MAP4K3: variants seen among roughly 807,000 people sequenced by gnomAD.
MAP4K3 encodes the protein MAPK/ERK kinase kinase kinase 3.
In MAP4K3, 94 loss-of-function variants were observed where a neutral mutation model predicts 143.5. The ratio of observed to expected loss-of-function variants is 0.65; its 90% CI spans 0.55 to 0.78. The LOEUF (loss-of-function observed/expected upper bound fraction) is 0.78. Ranked by LOEUF, MAP4K3 falls within the 30% of genes least tolerant of loss-of-function variation. The pLI, the probability that MAP4K3 is intolerant of heterozygous loss-of-function variation, is 0.00. For synonymous variants in MAP4K3, 416 were observed against 347.2 expected (o/e 1.20, Z -2.20); for missense variants, 1,077 against 1,068.1 (o/e 1.01, Z -0.12).
chr2:39,406,349 T>C (rs529668400), intron 1 of MAP4K3, among the ~76,000 whole-genome samples: 3 of 152,148 alleles, frequency 2.0e-5, no homozygotes, highest in African/African-American at 7.2e-5. Flanking sequence ...TTCCTAAACC[T>C]AGAGAAAGAT....
chr2:39,265,986 T>C (rs917288050), intron 27 of MAP4K3, among the ~76,000 whole-genome samples: 2 of 151,986 alleles, frequency 1.3e-5, no homozygotes, highest in African/African-American at 4.8e-5. Context: ...AGCAGTAAAG[T>C]TCACACACTT....
intron 28 of MAP4K3, among the ~76,000 whole-genome samples, chr2:39,262,101 T>C (rs977327169): frequency 6.6e-6 from 1 of 152,262 alleles, no homozygotes; most frequent in Non-Finnish European, 1.5e-5. Flanking sequence ...TCACTGTATT[T>C]TCCAAATGGT....
At chr2:39,329,929 C>T (rs1233841908) in intron 8 of MAP4K3, among the ~76,000 whole-genome samples, 1 of 152,012 alleles carries the variant, frequency 6.6e-6, no homozygotes, top group Non-Finnish European at 1.5e-5. Flanking sequence ...TGAGGGAAGG[C>T]TCCATCATGA....
At chr2:39,283,256 A>G (rs1294523828) in intron 21 of MAP4K3, among the ~76,000 whole-genome samples, 1 of 152,172 alleles carries the variant, frequency 6.6e-6, no homozygotes, top group Non-Finnish European at 1.5e-5. Context: ...TACATATCAC[A>G]TCACACCCAC....
intron 26 of MAP4K3, among the ~76,000 whole-genome samples, chr2:39,269,273 A>G (rs1680912171): frequency 6.6e-6 from 1 of 151,994 alleles, no homozygotes; most frequent in South Asian, 2.1e-4. Context: ...ATATTAAAAA[A>G]TATAATATCG....
chr2:39,292,728 C>G (rs1263788840), intron 18 of MAP4K3, 45 bp downstream of exon 18: 1 of 1,507,978 alleles, frequency 6.6e-7, no homozygotes, highest in Admixed American at 1.7e-5. Context: ...GAAATCAGGT[C>G]AAATGACACC....
intron 12 of MAP4K3, among the ~76,000 whole-genome samples, chr2:39,317,256 T>A (rs1189160655): frequency 1.3e-5 from 2 of 151,956 alleles, no homozygotes; most frequent in Non-Finnish European, 2.9e-5. Context: ...TATACAAAAA[T>A]CAACTCAAGA....
intron 18 of MAP4K3, among the ~76,000 whole-genome samples, chr2:39,291,561 T>C (rs1040079666): frequency 2.6e-5 from 4 of 152,134 alleles, no homozygotes; most frequent in Non-Finnish European, 1.5e-5. Context: ...TGACTGAAGT[T>C]AGGATTCATT....
intron 1 of MAP4K3, among the ~76,000 whole-genome samples, chr2:39,387,686 C>T (rs1666545101): frequency 6.6e-6 from 1 of 152,104 alleles, no homozygotes; most frequent in Non-Finnish European, 1.5e-5. Flanking sequence ...GCAAATAACC[C>T]AACAGATGGA....
Position 39,254,529 on chromosome 2 carries a change from C to A in MAP4K3, c.2471-9G>T, listed in dbSNP as rs1024902209. On this transcript the variant is annotated splice_polypyrimidine_tract_variant and intron_variant, in intron 31 of 33. Transcript: ENST00000263881. The stretch of plus-strand genomic sequence containing the variant: ...ACTGTCTTGTAGGCACACTAGCAGG[C>A]AAGAACAGCTCAATTACTGTTAATA... 1.1e-5 allele frequency: 17 copies of A among 1,611,100 alleles called. No homozygotes were observed. The highest frequency in any genetic ancestry group is 1.3e-5 in the Non-Finnish European group (15 of 1,178,016).
At chr2:39,434,574 A>G (rs1665395161) in intron 1 of MAP4K3, among the ~76,000 whole-genome samples, 1 of 152,318 alleles carries the variant, frequency 6.6e-6, no homozygotes, top group South Asian at 2.1e-4. Flanking sequence ...CTCAAATGCT[A>G]AACTAAATGT....
intron 12 of MAP4K3, among the ~76,000 whole-genome samples, chr2:39,322,729 G>A (rs1002459144): frequency 6.7e-6 from 1 of 149,530 alleles, no homozygotes; most frequent in East Asian, 2.0e-4. Context: ...GAGTGCAGTC[G>A]CATGATCTTG....
chr2:39,325,898 C>A lies in MAP4K3; in HGVS notation c.725+1G>T. ...AAAGTAAATAACATAAAAATACTTA[C>A]CATTTCATTTTATCCTTTAGTTTAG... On this transcript the variant is annotated splice_donor_variant, in intron 10 of 33. Transcript: ENST00000263881. LOFTEE classifies it high-confidence loss of function. 6.3e-7 allele frequency: 1 copy of A among 1,577,094 alleles called. No homozygotes were observed. The highest frequency in any genetic ancestry group is 8.7e-7 in the Non-Finnish European group (1 of 1,152,656).
chr2:39,282,462 C>G (rs1336644898), intron 22 of MAP4K3, 51 bp downstream of exon 22: 1 of 1,442,266 alleles, frequency 6.9e-7, no homozygotes, highest in African/African-American at 1.4e-5. Context: ...AAAGATAACA[C>G]ACACAAGTGA....
chr2:39,429,774 T>C (rs556134556), intron 1 of MAP4K3, among the ~76,000 whole-genome samples: 3 of 152,290 alleles, frequency 2.0e-5, no homozygotes, highest in African/African-American at 2.4e-5. Context: ...TTTGAAAAGG[T>C]AGAACAGAAT....
At chr2:39,374,433 G>A (rs1470822410) in intron 2 of MAP4K3, among the ~76,000 whole-genome samples, 3 of 152,052 alleles carry the variant, frequency 2.0e-5, no homozygotes, top group Non-Finnish European at 2.9e-5. Context: ...TGTTAACCCA[G>A]CACTTTGGGA....
At chr2:39,324,157 C>T (rs1046995775) in intron 12 of MAP4K3, among the ~76,000 whole-genome samples, 1 of 152,118 alleles carries the variant, frequency 6.6e-6, no homozygotes, top group African/African-American at 2.4e-5. Flanking sequence ...TGCCTGTAAT[C>T]CCAGCATTTG....
intron 18 of MAP4K3, 148 bp downstream of exon 18, chr2:39,292,625 T>C (rs1201254713): frequency 1.4e-6 from 1 of 710,116 alleles, no homozygotes; most frequent in South Asian, 1.5e-5. Context: ...TTAATGTAAC[T>C]AGAATAGAAA....
At chr2:39,364,751 C>T (rs963087501) in intron 2 of MAP4K3, among the ~76,000 whole-genome samples, 2 of 151,876 alleles carry the variant, frequency 1.3e-5, no homozygotes, top group African/African-American at 4.8e-5. Context: ...GCCTATAATC[C>T]CAGCTACTTG....
Sources: gnomAD v4.1 joint callset for allele counts (sites outside exome capture counted in the v4.1 genomes callset) on GRCh38, gnomAD v4.1.1 for gene constraint, MANE v1.5 for transcripts, NCBI Gene and HGNC (gene_info 2026-07-23, HGNC 2026-07-21) for gene names.